C8orf34: variants seen among roughly 807,000 people sequenced by gnomAD.
The protein encoded by C8orf34 is uncharacterized protein C8orf34.
A neutral mutation model predicts 68.3 loss-of-function variants in C8orf34; 65 were observed. That is an observed-to-expected ratio of 0.95 (90% CI 0.78 to 1.17). The LOEUF (loss-of-function observed/expected upper bound fraction) is 1.17. Among genes scored for constraint, C8orf34 ranks in the 50% most tolerant of loss-of-function variants. The probability of loss-of-function intolerance (pLI) is 0.00; values close to 1 mark genes in which losing one functional copy is unlikely to be tolerated. For synonymous variants in C8orf34, 244 were observed against 241.2 expected (o/e 1.01, Z -0.11); for missense variants, 664 against 655.4 (o/e 1.01, Z -0.14).
chr8:68,456,622 A>C (rs1457451947), intron 3 of C8orf34, among the ~76,000 whole-genome samples: 1 of 152,260 alleles, frequency 6.6e-6, no homozygotes, highest in African/African-American at 2.4e-5. Flanking sequence ...TATACAATTC[A>C]AACTGGCATA....
upstream of C8orf34, chr8:68,330,898 C>A: frequency 1.1e-6 from 1 of 901,430 alleles, no homozygotes; most frequent in Admixed American, 4.1e-5. Flanking sequence ...CCTCCCGCCC[C>A]CTGATTCCTG....
At chr8:68,788,284 C>T (rs566595163) in intron 12 of C8orf34, among the ~76,000 whole-genome samples, 1 of 152,262 alleles carries the variant, frequency 6.6e-6, no homozygotes, top group East Asian at 1.9e-4. Flanking sequence ...ATGAGAAATA[C>T]TGATATGTTA....
intron 9 of C8orf34, among the ~76,000 whole-genome samples, chr8:68,715,253 A>G (rs770146649): frequency 2.0e-5 from 3 of 152,196 alleles, no homozygotes; most frequent in Non-Finnish European, 2.9e-5. Context: ...AAGTGCAACA[A>G]AAACAAAGAT....
intron 1 of C8orf34, among the ~76,000 whole-genome samples, chr8:68,388,816 G>C (rs1808364813): frequency 6.6e-6 from 1 of 152,086 alleles, no homozygotes; most frequent in African/African-American, 2.4e-5. Context: ...TAATTTGGTA[G>C]ATGTAAAGTG....
intron 7 of C8orf34, among the ~76,000 whole-genome samples, chr8:68,545,743 A>G (rs1343619717): frequency 1.3e-5 from 2 of 152,148 alleles, no homozygotes; most frequent in Admixed American, 1.3e-4. Context: ...CCCTCAGGCT[A>G]GAAGGAAATG....
At chr8:68,659,541 A>G (rs1194895093) in intron 8 of C8orf34, among the ~76,000 whole-genome samples, 1 of 152,200 alleles carries the variant, frequency 6.6e-6, no homozygotes, top group East Asian at 1.9e-4. Context: ...AATAGTTTCC[A>G]AATTCTGGAG....
chr8:68,574,548 A>G (rs1203939591), intron 7 of C8orf34, among the ~76,000 whole-genome samples: 1 of 152,120 alleles, frequency 6.6e-6, no homozygotes, highest in Non-Finnish European at 1.5e-5. Context: ...TGCAGAATAG[A>G]CAATACTTCT....
intron 1 of C8orf34, among the ~76,000 whole-genome samples, chr8:68,337,933 G>C (rs1805918789): frequency 6.6e-6 from 1 of 152,306 alleles, no homozygotes; most frequent in Admixed American, 6.5e-5. Flanking sequence ...ATAAGAAAGA[G>C]TGCTGAGGGA....
At chr8:68,717,190 C>A (rs1386974182) in intron 9 of C8orf34, among the ~76,000 whole-genome samples, 1 of 152,050 alleles carries the variant, frequency 6.6e-6, no homozygotes, top group Non-Finnish European at 1.5e-5. Flanking sequence ...AAAAGCAAGT[C>A]ACAGAATGCC....
chr8:68,682,600 G>A (rs948099746), intron 8 of C8orf34, among the ~76,000 whole-genome samples: 1 of 151,996 alleles, frequency 6.6e-6, no homozygotes, highest in Non-Finnish European at 1.5e-5. Context: ...ATGTCAAAGA[G>A]GCACATTTTC....
At chr8:68,445,018 T>C (rs1266154655) in intron 2 of C8orf34, among the ~76,000 whole-genome samples, 20 of 152,206 alleles carry the variant, frequency 1.3e-4, no homozygotes, top group Non-Finnish European at 2.1e-4. Context: ...CTAGAAATCT[T>C]CCATTCTCTT....
intron 5 of C8orf34, among the ~76,000 whole-genome samples, chr8:68,512,570 A>C (rs981483733): frequency 5.3e-5 from 8 of 152,210 alleles, no homozygotes; most frequent in Non-Finnish European, 1.2e-4. Flanking sequence ...ATGATGAATC[A>C]GAAATTTTAA....
chr8:68,701,329 A>C (rs919672478), intron 8 of C8orf34, among the ~76,000 whole-genome samples: 3 of 152,034 alleles, frequency 2.0e-5, no homozygotes, highest in Non-Finnish European at 4.4e-5. Flanking sequence ...AATTATCTTC[A>C]TTGCGATTCT....
intron 1 of C8orf34, among the ~76,000 whole-genome samples, chr8:68,389,950 A>G (rs979659029): frequency 6.6e-6 from 1 of 152,140 alleles, no homozygotes; most frequent in African/African-American, 2.4e-5. Context: ...CTAAGGTGTT[A>G]TGTATTAAGC....
At chr8:68,693,260 A>G (rs941604041) in intron 8 of C8orf34, among the ~76,000 whole-genome samples, 2 of 152,104 alleles carry the variant, frequency 1.3e-5, no homozygotes, top group Admixed American at 1.3e-4. Context: ...TTGGGTAGGC[A>G]TAGTGGAAAG....
intron 12 of C8orf34, chr8:68,787,762 A>AT (rs1823886167): frequency 1.9e-5 from 6 of 316,658 alleles, no homozygotes; most frequent in Non-Finnish European, 3.5e-5. Context: ...AGAAAAAAAA[A>AT]GCAATTCTTT....
intron 3 of C8orf34, among the ~76,000 whole-genome samples, chr8:68,465,978 A>T (rs1812111458): frequency 6.7e-6 from 1 of 150,082 alleles, no homozygotes; most frequent in Non-Finnish European, 1.5e-5. Context: ...AAATAAAATA[A>T]GAAATTCTAA....
intron 4 of C8orf34, among the ~76,000 whole-genome samples, chr8:68,477,133 T>C (rs959189661): frequency 1.2e-4 from 18 of 152,268 alleles, no homozygotes; most frequent in African/African-American, 4.3e-4. Flanking sequence ...TAAAGGGGTG[T>C]CTATTTTGAT....
chr8:68,792,180 CAG>C (rs1824014141), intron 12 of C8orf34: 1 of 152,112 alleles, frequency 6.6e-6, no homozygotes, highest in Admixed American at 6.5e-5. Context: ...AGTAAAACAA[CAG>C]AGTCAGCAAA....
Sources: gnomAD v4.1 joint callset for allele counts (sites outside exome capture counted in the v4.1 genomes callset) on GRCh38, gnomAD v4.1.1 for gene constraint, MANE v1.5 for transcripts, NCBI Gene and HGNC (gene_info 2026-07-23, HGNC 2026-07-21) for gene names.